The following CFAP61 variants were observed in gnomAD, a reference collection of about 807,000 sequenced individuals.
The protein encoded by CFAP61 is cilia and flagella associated protein 61, also known as cilia- and flagella-associated protein 61.
A neutral mutation model predicts 135.6 loss-of-function variants in CFAP61; 107 were observed. The ratio of observed to expected loss-of-function variants is 0.79; its 90% CI spans 0.67 to 0.93. CFAP61 has a LOEUF of 0.93. Among genes scored for constraint, CFAP61 ranks in the 40% least tolerant of loss-of-function variants. CFAP61 has a pLI of 0.00. For synonymous variants in CFAP61, 575 were observed against 578.5 expected (o/e 0.99, Z 0.09); for missense variants, 1,507 against 1,556.2 (o/e 0.97, Z 0.53).
chr20:20,084,529 C>T (rs1253825759), intron 6 of CFAP61, among the ~76,000 whole-genome samples: 2 of 152,048 alleles, frequency 1.3e-5, no homozygotes, highest in African/African-American at 2.4e-5. Context: ...CTCTCAGACT[C>T]GAGGGAAGCA....
At chr20:20,341,214 T>G (rs544145313) in intron 25 of CFAP61, among the ~76,000 whole-genome samples, 30 of 152,296 alleles carry the variant, frequency 2.0e-4, no homozygotes, top group African/African-American at 7.2e-4. Flanking sequence ...TCTTGGTTAT[T>G]CCAAAAATGC....
At chr20:20,184,787 T>C (rs1384470926) in intron 13 of CFAP61, among the ~76,000 whole-genome samples, 1 of 152,164 alleles carries the variant, frequency 6.6e-6, no homozygotes, top group Non-Finnish European at 1.5e-5. Flanking sequence ...TCTGATGAGA[T>C]AGGAACTTCT....
At chr20:20,330,180 A>G (rs2057928808) in intron 25 of CFAP61, among the ~76,000 whole-genome samples, 1 of 152,202 alleles carries the variant, frequency 6.6e-6, no homozygotes, top group African/African-American at 2.4e-5. Flanking sequence ...TTAATAATAT[A>G]TTATATTTAA....
At chr20:20,113,725 A>G (rs1279682725) in intron 8 of CFAP61, among the ~76,000 whole-genome samples, 2 of 152,150 alleles carry the variant, frequency 1.3e-5, no homozygotes, top group Non-Finnish European at 2.9e-5. Context: ...ACTAAGTACC[A>G]TTTATTGAAA....
chr20:20,155,759 T>TA (rs1001708473), intron 9 of CFAP61, among the ~76,000 whole-genome samples: 3 of 151,880 alleles, frequency 2.0e-5, no homozygotes, highest in African/African-American at 4.8e-5. Context: ...AATTTAAAAA[T>TA]AAAAAAACAA....
At chr20:20,073,257 T>A (rs1330232718) in intron 3 of CFAP61, among the ~76,000 whole-genome samples, 1 of 152,236 alleles carries the variant, frequency 6.6e-6, no homozygotes, top group African/African-American at 2.4e-5. Flanking sequence ...CTTGAAATCA[T>A]GTCGTCGTCA....
intron 25 of CFAP61, among the ~76,000 whole-genome samples, chr20:20,305,046 C>G (rs563635106): frequency 6.6e-6 from 1 of 152,314 alleles, no homozygotes; most frequent in East Asian, 1.9e-4. Flanking sequence ...TTGATTAAAC[C>G]TCTTTTCACA....
chr20:20,230,342 T>G (rs1403486264), intron 18 of CFAP61, among the ~76,000 whole-genome samples: 1 of 152,220 alleles, frequency 6.6e-6, no homozygotes, highest in African/African-American at 2.4e-5. Context: ...CTCATTATTT[T>G]CTCTAATTAT....
chr20:20,076,874 A>C (rs974202), intron 6 of CFAP61, among the ~76,000 whole-genome samples: 116,019 of 152,046 alleles, frequency 0.76, 44,661 homozygotes, highest in East Asian at 0.92. Flanking sequence ...GGAACGTGAC[A>C]TCTGCGGGGG....
chr20:20,190,484 A>G (rs2055842705), intron 14 of CFAP61, among the ~76,000 whole-genome samples: 2 of 152,108 alleles, frequency 1.3e-5, no homozygotes, highest in South Asian at 2.1e-4. Context: ...AGAGGGGGCA[A>G]CTCAAGGGAT....
At chr20:20,256,177 A>G (rs999865877) in intron 20 of CFAP61, among the ~76,000 whole-genome samples, 1 of 152,230 alleles carries the variant, frequency 6.6e-6, no homozygotes, top group Non-Finnish European at 1.5e-5. Flanking sequence ...CACAGCACAC[A>G]GAATAAAAGA....
chr20:20,257,044 A>G (rs2051669439), intron 20 of CFAP61, among the ~76,000 whole-genome samples: 1 of 152,208 alleles, frequency 6.6e-6, no homozygotes, highest in African/African-American at 2.4e-5. Flanking sequence ...ACAAACTTCA[A>G]AAGAAAAATA....
At chr20:20,184,509 G>T (rs1002480393) in intron 13 of CFAP61, 1 of 152,270 alleles carries the variant, frequency 6.6e-6, no homozygotes, top group Non-Finnish European at 1.5e-5. Context: ...GAAGGTCAGG[G>T]TCCAAATTTT....
intron 25 of CFAP61, among the ~76,000 whole-genome samples, chr20:20,325,826 C>T (rs1210027151): frequency 6.6e-6 from 1 of 152,130 alleles, no homozygotes; most frequent in African/African-American, 2.4e-5. Flanking sequence ...TTTGTATTTC[C>T]ACCAGCAATG....
chr20:20,215,215 G>A (rs752893343), intron 17 of CFAP61: 15 of 152,126 alleles, frequency 9.9e-5, no homozygotes, highest in Non-Finnish European at 1.8e-4. Context: ...CCTCCCACAC[G>A]GGAAGCCTCA....
At chr20:20,350,957 G>C (rs998202460) in intron 26 of CFAP61, among the ~76,000 whole-genome samples, 2 of 152,048 alleles carry the variant, frequency 1.3e-5, no homozygotes, top group Non-Finnish European at 2.9e-5. Context: ...GAATGTTCCT[G>C]AACACAATAA....
At chr20:20,330,871 G>T (rs1460545445) in intron 25 of CFAP61, among the ~76,000 whole-genome samples, 1 of 152,318 alleles carries the variant, frequency 6.6e-6, no homozygotes, top group South Asian at 2.1e-4. Flanking sequence ...TCCTTCACCA[G>T]CTGGTGAGCT....
intron 18 of CFAP61, among the ~76,000 whole-genome samples, chr20:20,235,834 G>C (rs1280792798): frequency 3.9e-5 from 6 of 152,184 alleles, no homozygotes; most frequent in African/African-American, 7.2e-5. Flanking sequence ...GGGCCCTCCA[G>C]TAGAGGTGAC....
chr20:20,302,353 CTGGCTAAGATTTGTAATAAAAAGAT>C (rs1322471704), intron 25 of CFAP61, among the ~76,000 whole-genome samples: 1 of 152,186 alleles, frequency 6.6e-6, no homozygotes, highest in African/African-American at 2.4e-5. Flanking sequence ...CCTTACTGCA[CTGGCTAAGATTTGTAATAAAAAGAT>C]TGGCTGGGTG....
Sources: allele counts gnomAD v4.1 joint callset (sites outside exome capture counted in the v4.1 genomes callset), GRCh38; gene constraint gnomAD v4.1.1; transcripts MANE v1.5; gene names NCBI Gene and HGNC (gene_info 2026-07-23, HGNC 2026-07-21).